The following PCDHGB1 variants were observed in gnomAD, a reference collection of about 807,000 sequenced individuals.
PCDHGB1 encodes protocadherin gamma subfamily B, 1, also known as protocadherin gamma-B1.
In PCDHGB1, 34 loss-of-function variants were observed where a neutral mutation model predicts 56.6. The observed-to-expected ratio is 0.60, with a 90% CI of 0.46 to 0.80. The LOEUF (loss-of-function observed/expected upper bound fraction) is 0.80. Ranked by LOEUF, PCDHGB1 falls within the 30% of genes least tolerant of loss-of-function variation. PCDHGB1 has a pLI of 0.00. For missense variants in PCDHGB1, 1,278 were observed against 1,204.6 expected, an observed-to-expected ratio of 1.06 and a Z score of -0.90; for synonymous variants, 561 against 505.9, an observed-to-expected ratio of 1.11 and a Z score of -1.46.
In PCDHGB1 at chr5:141,476,622, T is replaced by C. The variant is rs1480639256; in HGVS notation, c.2410-18185T>C. The C allele has an allele frequency of 6.2e-7, 1 of 1,614,238 alleles. No individual in the cohort carries two copies. The highest frequency in any genetic ancestry group is 2.2e-5 in the East Asian group (1 of 44,878). On this transcript the variant is annotated intron_variant, in intron 1 of 3. Transcript: ENST00000523390. This position sits in a 1 kb window ranked among gnomAD's most constrained non-coding sequence, Gnocchi z 7.6. ...GATCCCGATGTGGGAAGCAACTCTT[T>C]ACAAACCTATGAGCTGAGCCGAAAT...
rs1304554303 is a variant in PCDHGB1, at chr5:141,403,611, C to G, written c.2409+50942C>G. 3 of 1,613,860 alleles carry G rather than the reference C, an allele frequency of 1.9e-6. No homozygotes were observed. The highest frequency in any genetic ancestry group is 2.5e-6 in the Non-Finnish European group (3 of 1,179,892). Reference sequence around the variant, plus strand: ...CTCACGGCCTCGGATGGCGGCGAGCCGCGTCGCTCCAGCACAGTGCGCATC... The same window carrying G: ...CTCACGGCCTCGGATGGCGGCGAGCGGCGTCGCTCCAGCACAGTGCGCATC... On this transcript the variant is annotated intron_variant, in intron 1 of 3. Transcript: ENST00000523390.
chr5:141,362,460 TC>T (rs755603775), intron 1 of PCDHGB1: 4 of 1,614,026 alleles, frequency 2.5e-6, no homozygotes, highest in Non-Finnish European at 3.4e-6. Context: ...CGGAATTGGT[TC>T]CCGCGCAAGA....
intron 1 of PCDHGB1, among the ~76,000 whole-genome samples, chr5:141,381,816 CT>C (rs747432194): frequency 4.2e-4 from 52 of 122,544 alleles, no homozygotes; most frequent in Admixed American, 1.7e-3. Flanking sequence ...TTCTTTCTTT[CT>C]TTCTTCTTCT....
intron 1 of PCDHGB1, among the ~76,000 whole-genome samples, chr5:141,469,403 C>T (rs902543178): frequency 4.6e-5 from 7 of 152,060 alleles, no homozygotes; most frequent in South Asian, 2.1e-4. Context: ...GGTGAAACCC[C>T]GTTTCTACTA....
At position 141,375,341 on chromosome 5, in the gene PCDHGB1, A is replaced by G; in HGVS notation, c.2409+22672A>G. ...CCGGGAAGAGGTATTCTTGTACAACATCACTGTGACAGCCACGGACAAAGG... is the reference window on the plus strand; with the variant it reads ...CCGGGAAGAGGTATTCTTGTACAACGTCACTGTGACAGCCACGGACAAAGG... On this transcript the variant is annotated intron_variant, in intron 1 of 3. Transcript: ENST00000523390. 3 of 1,613,856 alleles carry G rather than the reference A, an allele frequency of 1.9e-6. No homozygotes were observed. The highest frequency in any genetic ancestry group is 1.6e-4 in the Middle Eastern group (1 of 6,062).
chr5:141,498,703 G>A (rs961006063), intron 2 of PCDHGB1, among the ~76,000 whole-genome samples: 7 of 152,228 alleles, frequency 4.6e-5, no homozygotes, highest in Non-Finnish European at 8.8e-5. Flanking sequence ...AGGCTGAGGT[G>A]GGTGGATCAC....
rs970182422 is a variant in PCDHGB1, at chr5:141,351,956, G to C, written c.1696G>C (p.Asp566His). 3.7e-6 allele frequency: 6 copies of C among 1,612,992 alleles called. No individual in the cohort carries two copies. The highest frequency in any genetic ancestry group is 5.1e-6 in the Non-Finnish European group (6 of 1,179,736). ...GGTGCTGTACCCCGCGCTGGGGCCT[G>C]ATGGCTCCGCCCTCTTCGATATGGT... is the stretch of plus-strand genomic sequence containing the variant. ...PRVLYPALGP[D>H]GSALFDMVPR... is the part of the protein sequence containing the mutation. Residue 566 changes from aspartate (D) to histidine (H), a missense_variant, in exon 1 of 4, where the codon GAT becomes CAT. Transcript: ENST00000523390.
At chr5:141,408,775 C>T (rs780901987) in intron 1 of PCDHGB1, 7 of 1,611,568 alleles carry the variant, frequency 4.3e-6, no homozygotes, top group Non-Finnish European at 5.9e-6. Context: ...GTGGCAAATA[C>T]CCAGAGTTAT....
At chr5:141,495,923 T>G (rs1337381299) in intron 2 of PCDHGB1, among the ~76,000 whole-genome samples, 4 of 152,306 alleles carry the variant, frequency 2.6e-5, no homozygotes, top group South Asian at 2.1e-4. Context: ...TTTCTTTGTC[T>G]CTGTCTCTGG....
chr5:141,351,474 C>A lies in PCDHGB1; in HGVS notation c.1214C>A (p.Ala405Asp), dbSNP rs1459307602. The change falls in exon 1 of 4, where the codon GCC (alanine) becomes GAC (aspartate). Residue 405 changes from alanine (A) to aspartate (D), a missense_variant. Ala to Asp is a moderately radical substitution (Grantham distance 126, BLOSUM62 -2). Coordinates refer to ENST00000523390, the MANE Select transcript of PCDHGB1 (RefSeq NM_018922.3). ...KNYYKLVIAG[A>D]LNREQTADYN... is the part of the protein sequence containing the mutation. ...TATTACAAGCTGGTGATTGCTGGAG[C>A]CCTAAACCGGGAGCAGACAGCAGAC... The A allele has an allele frequency of 6.2e-7, 1 of 1,613,696 alleles. No homozygotes were observed. The highest frequency in any genetic ancestry group is 2.2e-5 in the East Asian group (1 of 44,892).
chr5:141,510,239 C>T (rs2099880022), intron 3 of PCDHGB1, among the ~76,000 whole-genome samples: 1 of 150,434 alleles, frequency 6.6e-6, no homozygotes, highest in Non-Finnish European at 1.5e-5. Flanking sequence ...CGCCACTGCA[C>T]TCCAGGCTGG....
chr5:141,381,851 C>G (rs1252869923), intron 1 of PCDHGB1, among the ~76,000 whole-genome samples: 3 of 33,340 alleles, frequency 9.0e-5, no homozygotes, highest in Non-Finnish European at 1.6e-4. Context: ...TTTTTTTTGG[C>G]AGAGTTTTGC....
At chr5:141,415,540 T>C (rs1202920204) in intron 1 of PCDHGB1, 9 of 1,614,184 alleles carry the variant, frequency 5.6e-6, no homozygotes, top group Non-Finnish European at 7.6e-6. Context: ...CCAGGAGAGC[T>C]GTGAGAAAAA....
At chr5:141,507,283 G>T (rs917383969) in intron 3 of PCDHGB1, 2 of 150,498 alleles carry the variant, frequency 1.3e-5, no homozygotes, top group Non-Finnish European at 2.9e-5. Context: ...GCATAAGTCA[G>T]TCTCAAATGT....
intron 1 of PCDHGB1, among the ~76,000 whole-genome samples, chr5:141,437,741 C>CTTT (rs35124340): frequency 4.2e-5 from 6 of 141,750 alleles, no homozygotes; most frequent in Admixed American, 7.0e-5. Flanking sequence ...TTGAGTTCAC[C>CTTT]TTTTTTTTTT....
chr5:141,415,182 C>T (rs2095840318), intron 1 of PCDHGB1: 2 of 1,613,842 alleles, frequency 1.2e-6, no homozygotes, highest in Non-Finnish European at 1.7e-6. Flanking sequence ...TGGCCGTGGC[C>T]GACAGCATCC....
rs144018757 is a variant in PCDHGB1, at chr5:141,443,001, A to G, written c.2410-51806A>G. On this transcript the variant is annotated intron_variant, in intron 1 of 3. Transcript: ENST00000523390. ...GTTAGCCTATAATTTCAGTAAATCTAAGAATATGACTAATGGAAGTTGCCA... is the reference window on the plus strand; with the variant it reads ...GTTAGCCTATAATTTCAGTAAATCTGAGAATATGACTAATGGAAGTTGCCA... Among the ~76,000 whole-genome samples the G allele has an allele frequency of 1.3e-3, 194 of 152,312 alleles. 1 individual carries two copies. The East Asian group carries it at 0.032, about 25-fold the overall frequency.
chr5:141,494,948 G>C (rs909146), intron 2 of PCDHGB1, 83 bp downstream of exon 2: 1 of 1,608,226 alleles, frequency 6.2e-7, no homozygotes, highest in South Asian at 1.1e-5. Flanking sequence ...GGAGGGCCCA[G>C]CATTTGCTAC....
At chr5:141,387,594 C>T in intron 1 of PCDHGB1, 1 of 528,418 alleles carries the variant, frequency 1.9e-6, no homozygotes, top group East Asian at 3.1e-5. Context: ...TAACTTGAAG[C>T]AGCAGAGGCT....
Sources: gnomAD v4.1 joint callset for allele counts (sites outside exome capture counted in the v4.1 genomes callset) on GRCh38, gnomAD v4.1.1 for gene constraint, Gnocchi (gnomAD v3.1) non-coding constraint, MANE v1.5 for transcripts, NCBI Gene and HGNC (gene_info 2026-07-23, HGNC 2026-07-21) for gene names.